ADAMTSL1: variants seen among roughly 807,000 people sequenced by gnomAD.
ADAMTSL1 encodes the protein ADAMTS like 1, also known as ADAMTS-like protein 1.
ADAMTSL1 carries 126 observed loss-of-function variants against 201.8 expected under a neutral mutation model. The observed-to-expected ratio is 0.62, with a 90% confidence interval of 0.54 to 0.72. The LOEUF (loss-of-function observed/expected upper bound fraction) is 0.72, where lower values mean the gene tolerates loss of function less well. ADAMTSL1 is among the 30% of genes least tolerant of loss of function. The pLI is 0.00. For missense variants in ADAMTSL1, 2,679 were observed against 2,277.8 expected (o/e 1.18, Z -3.59); for synonymous variants, 1,121 against 903.4 (o/e 1.24, Z -4.32).
intron 1 of ADAMTSL1, among the ~76,000 whole-genome samples, chr9:18,476,600 G>C (rs1821465499): frequency 6.6e-6 from 1 of 152,152 alleles, no homozygotes; most frequent in Non-Finnish European, 1.5e-5. Context: ...AGAACTAGAA[G>C]TGTGGCATCA....
intron 23 of ADAMTSL1, among the ~76,000 whole-genome samples, chr9:18,877,769 A>G (rs1828260686): frequency 6.6e-6 from 1 of 152,150 alleles, no homozygotes; most frequent in South Asian, 2.1e-4. Flanking sequence ...GGAGTATACA[A>G]GCTTGCCCTA....
At chr9:18,069,833 G>A (rs1000234083) in intron 1 of ADAMTSL1, among the ~76,000 whole-genome samples, 1 of 152,174 alleles carries the variant, frequency 6.6e-6, no homozygotes. Context: ...GGCATTGGTG[G>A]TGCAGAGAAA....
At chr9:18,012,264 C>A (rs545505518) in intron 1 of ADAMTSL1, among the ~76,000 whole-genome samples, 3 of 152,134 alleles carry the variant, frequency 2.0e-5, no homozygotes, top group African/African-American at 4.8e-5. Context: ...ATCTGACCAC[C>A]AACTCAGATC....
intron 1 of ADAMTSL1, among the ~76,000 whole-genome samples, chr9:18,101,510 A>G (rs1435851536): frequency 1.3e-5 from 2 of 151,998 alleles, no homozygotes; most frequent in East Asian, 1.9e-4. Context: ...AAAAAAAAAA[A>G]AGAAAAGCAA....
intron 15 of ADAMTSL1, among the ~76,000 whole-genome samples, chr9:18,737,728 C>G (rs1162519799): frequency 1.3e-5 from 2 of 152,162 alleles, no homozygotes; most frequent in African/African-American, 4.8e-5. Context: ...CCCATTTTAT[C>G]TGTGAGAAAA....
intron 3 of ADAMTSL1, among the ~76,000 whole-genome samples, chr9:18,570,020 T>C (rs1260338153): frequency 6.6e-6 from 1 of 152,130 alleles, no homozygotes; most frequent in Non-Finnish European, 1.5e-5. Flanking sequence ...CAGAAAAAGA[T>C]GGTAAGTATT....
At position 18,585,095 on chromosome 9, in the gene ADAMTSL1, A is replaced by T. The variant is rs139201127; in HGVS notation, c.474+10829A>T. On this transcript the variant is annotated intron_variant, in intron 4 of 28. Transcript: ENST00000380548. ...AAGCCGGAAAGTGACACTTCATAGA[A>T]ATTCATTTATTTCGTAATATTTTAT... Among the ~76,000 whole-genome samples the T allele has an allele frequency of 3.8e-3, 581 of 152,292 alleles. 8 individuals carry two copies. Among genetic ancestry groups the T allele is most frequent in the African/African-American group, 0.013 (545 of 41,568 alleles).
chr9:18,588,731 T>C (rs920487144), intron 4 of ADAMTSL1, among the ~76,000 whole-genome samples: 2 of 151,780 alleles, frequency 1.3e-5, no homozygotes, highest in Non-Finnish European at 2.9e-5. Flanking sequence ...CCCCAGTGCA[T>C]ATTCTTGGGA....
chr9:18,268,025 A>G (rs575058214), intron 2 of ADAMTSL1, among the ~76,000 whole-genome samples: 1 of 152,300 alleles, frequency 6.6e-6, no homozygotes, highest in Admixed American at 6.5e-5. Flanking sequence ...AATGTATTTA[A>G]TTAGGAAAGA....
At chr9:18,507,819 G>A (rs191994576) in intron 2 of ADAMTSL1, among the ~76,000 whole-genome samples, 1 of 152,230 alleles carries the variant, frequency 6.6e-6, no homozygotes, top group East Asian at 1.9e-4. Flanking sequence ...CCTGGCAGGG[G>A]CCCTTTGTGG....
intron 1 of ADAMTSL1, among the ~76,000 whole-genome samples, chr9:18,113,689 A>C (rs911255643): frequency 6.6e-5 from 10 of 152,252 alleles, no homozygotes; most frequent in African/African-American, 2.4e-4. Flanking sequence ...TAATTTAAAA[A>C]ATTAAACATC....
intron 14 of ADAMTSL1, among the ~76,000 whole-genome samples, chr9:18,715,818 A>G (rs1406859713): frequency 2.6e-5 from 4 of 151,764 alleles, no homozygotes; most frequent in East Asian, 1.9e-4. Context: ...GAGGCATCAC[A>G]CTACCTGACT....
intron 2 of ADAMTSL1, among the ~76,000 whole-genome samples, chr9:18,282,375 C>T (rs1832823799): frequency 6.6e-6 from 1 of 152,178 alleles, no homozygotes; most frequent in South Asian, 2.1e-4. Flanking sequence ...AATGAACATA[C>T]AAGTGCAGGA....
At chr9:17,984,727 A>G (rs778098182) in intron 1 of ADAMTSL1, among the ~76,000 whole-genome samples, 2 of 152,048 alleles carry the variant, frequency 1.3e-5, no homozygotes, top group Non-Finnish European at 2.9e-5. Context: ...AAATAAACCT[A>G]TTCTTTTGAT....
At chr9:18,253,669 C>G (rs948385413) in intron 2 of ADAMTSL1, among the ~76,000 whole-genome samples, 3 of 152,182 alleles carry the variant, frequency 2.0e-5, no homozygotes, top group Non-Finnish European at 4.4e-5. Flanking sequence ...TCCCTGTGGT[C>G]TGTCTGGTTG....
At chr9:18,563,135 C>G (rs143950404) in intron 3 of ADAMTSL1, among the ~76,000 whole-genome samples, 144 of 152,316 alleles carry the variant, frequency 9.5e-4, no homozygotes, top group African/African-American at 3.3e-3. Context: ...ACTGGTTTTT[C>G]CTCATCTTAA....
intron 2 of ADAMTSL1, among the ~76,000 whole-genome samples, chr9:18,180,840 G>T (rs200319460): frequency 2.0e-5 from 3 of 151,992 alleles, no homozygotes; most frequent in East Asian, 1.9e-4. Context: ...CAATCCTAAG[G>T]CAAAAGAACA....
intron 3 of ADAMTSL1, among the ~76,000 whole-genome samples, chr9:18,561,495 G>A (rs1292031257): frequency 3.9e-5 from 6 of 152,140 alleles, no homozygotes; most frequent in South Asian, 2.1e-4. Flanking sequence ...TGAGAAGAAC[G>A]TATATACTGT....
chr9:18,349,312 A>T (rs1586942113), intron 2 of ADAMTSL1, among the ~76,000 whole-genome samples: 1 of 152,208 alleles, frequency 6.6e-6, no homozygotes, highest in African/African-American at 2.4e-5. Context: ...CATGTTGGTC[A>T]TCACAACTTT....
Sources: allele counts gnomAD v4.1 joint callset (sites outside exome capture counted in the v4.1 genomes callset), GRCh38; gene constraint gnomAD v4.1.1; transcripts MANE v1.5; gene names NCBI Gene and HGNC (gene_info 2026-07-23, HGNC 2026-07-21).